The following FOXP2 variants were observed in gnomAD, a reference collection of about 807,000 sequenced individuals.
FOXP2 encodes the protein forkhead box protein P2.
FOXP2 carries 12 observed loss-of-function variants against 115.8 expected under a neutral mutation model. The ratio of observed to expected loss-of-function variants is 0.10; its 90% confidence interval spans 0.07 to 0.17. FOXP2 has a LOEUF of 0.17. FOXP2 is among the 10% of genes least tolerant of loss of function. The pLI is 1.00. For missense variants in FOXP2, 629 were observed against 843.5 expected, an observed-to-expected ratio of 0.75 and a Z score of 3.15; for synonymous variants, 328 against 297.7, an observed-to-expected ratio of 1.10 and a Z score of -1.05.
chr7:114,382,674 A>G (rs568792977), intron 2 of FOXP2, among the ~76,000 whole-genome samples: 19 of 152,108 alleles, frequency 1.2e-4, no homozygotes, highest in South Asian at 4.2e-4. Context: ...GCCAAGTTCA[A>G]TAGGGTTTCT....
chr7:114,671,443 G>A (rs999039708), intron 16 of FOXP2, among the ~76,000 whole-genome samples: 2 of 152,248 alleles, frequency 1.3e-5, no homozygotes, highest in Middle Eastern at 3.4e-3. Flanking sequence ...CATCCGTGGT[G>A]TGAATTCCCA....
At chr7:114,613,945 C>CAGT (rs1803778523) in intron 3 of FOXP2, 1 of 152,054 alleles carries the variant, frequency 6.6e-6, no homozygotes, top group Non-Finnish European at 1.5e-5. Context: ...ATTCATTCCA[C>CAGT]TAATGGCTGT....
intron 2 of FOXP2, among the ~76,000 whole-genome samples, chr7:114,361,381 G>A (rs946434260): frequency 1.3e-5 from 2 of 151,978 alleles, no homozygotes; most frequent in Non-Finnish European, 2.9e-5. Flanking sequence ...AAGGAAAGAG[G>A]ATGTTGGGAG....
At chr7:114,582,644 A>T (rs977670950) in intron 3 of FOXP2, among the ~76,000 whole-genome samples, 4 of 152,304 alleles carry the variant, frequency 2.6e-5, no homozygotes, top group Middle Eastern at 3.4e-3. Context: ...AAAGAACATA[A>T]ATTATTTTAT....
intron 16 of FOXP2, among the ~76,000 whole-genome samples, chr7:114,684,474 A>T (rs542696413): frequency 1.3e-5 from 2 of 152,332 alleles, no homozygotes; most frequent in African/African-American, 4.8e-5. Flanking sequence ...GCAGTCGCCT[A>T]GACCACTGCT....
intron 2 of FOXP2, among the ~76,000 whole-genome samples, chr7:114,456,303 G>C (rs1007840234): frequency 6.6e-6 from 1 of 152,180 alleles, no homozygotes; most frequent in Non-Finnish European, 1.5e-5. Flanking sequence ...GAGCCCTGCG[G>C]TGTAATCAAA....
intron 1 of FOXP2, among the ~76,000 whole-genome samples, chr7:114,217,164 G>C (rs1794505900): frequency 6.6e-6 from 1 of 152,086 alleles, no homozygotes; most frequent in Admixed American, 6.6e-5. Context: ...AAAACGCATG[G>C]TTTGTAGAAA....
chr7:114,208,607 C>T (rs1794260328), intron 1 of FOXP2, among the ~76,000 whole-genome samples: 1 of 151,918 alleles, frequency 6.6e-6, no homozygotes, highest in South Asian at 2.1e-4. Flanking sequence ...TGTCCCCACT[C>T]AAATCTCATC....
Position 114,301,375 on chromosome 7 carries a change from A to AGAT in FOXP2, c.-11+13268_-11+13270dup, listed in dbSNP as rs1796876058. On this transcript the variant is annotated intron_variant, in intron 2 of 17. Coordinates refer to the FOXP2 transcript ENST00000634411. ...ACAAATATTTGGAGAAAGTCTTGAA[A>AGAT]GATGCAATGGCATTCCTCATTATTG... is the stretch of plus-strand genomic sequence containing the variant. Among the ~76,000 whole-genome samples the AGAT allele has an allele frequency of 3.9e-5, 6 of 152,252 alleles. 1 individual carries two copies. In the South Asian group the frequency reaches 1.2e-3, roughly 32 times the overall value.
intron 2 of FOXP2, among the ~76,000 whole-genome samples, chr7:114,310,749 C>T (rs1217692697): frequency 6.6e-6 from 1 of 151,956 alleles, no homozygotes; most frequent in Non-Finnish European, 1.5e-5. Context: ...CTCTTTATCG[C>T]CTGTCTTCAT....
intron 2 of FOXP2, among the ~76,000 whole-genome samples, chr7:114,342,351 A>G (rs972886432): frequency 6.6e-6 from 1 of 151,422 alleles, no homozygotes; most frequent in African/African-American, 2.4e-5. Flanking sequence ...AAATACTTAA[A>G]CATAAAAGTT....
intron 16 of FOXP2, among the ~76,000 whole-genome samples, chr7:114,684,015 C>A (rs947402714): frequency 5.9e-5 from 9 of 151,892 alleles, no homozygotes; most frequent in African/African-American, 4.8e-5. Context: ...ATAGAACATA[C>A]CTCTTTAGTC....
intron 16 of FOXP2, chr7:114,666,304 T>C (rs999949301): frequency 1.3e-5 from 2 of 152,112 alleles, no homozygotes; most frequent in Non-Finnish European, 2.9e-5. Context: ...TCAATTATAA[T>C]CAAAATTTTA....
In FOXP2 at chr7:114,271,386, C is replaced by T. The variant is rs1219034608; in HGVS notation, c.-101-16633C>T. Among the ~76,000 whole-genome samples, 3 of 148,910 alleles carry T rather than the reference C, an allele frequency of 2.0e-5. No homozygotes were observed. In the East Asian group the frequency reaches 5.8e-4, roughly 29 times the overall value. On this transcript the variant is annotated intron_variant, in intron 1 of 17. Transcript: ENST00000634411. ...ATTAGTAGGAAGGATTTGAATTTCT[C>T]ACAATTAAGTATGTTAGCTGTCGGG...
At chr7:114,496,866 T>C (rs1446291471) in intron 2 of FOXP2, among the ~76,000 whole-genome samples, 1 of 152,214 alleles carries the variant, frequency 6.6e-6, no homozygotes, top group Non-Finnish European at 1.5e-5. Context: ...GGTTTTGTAC[T>C]GTTTCATATT....
chr7:114,449,997 A>T (rs1584749895), intron 2 of FOXP2, among the ~76,000 whole-genome samples: 1 of 149,924 alleles, frequency 6.7e-6, no homozygotes, highest in Admixed American at 6.6e-5. Flanking sequence ...ACTAAATTGC[A>T]AATTAATATA....
At chr7:114,296,209 C>T (rs1796738098) in intron 2 of FOXP2, among the ~76,000 whole-genome samples, 1 of 152,048 alleles carries the variant, frequency 6.6e-6, no homozygotes, top group South Asian at 2.1e-4. Context: ...GGGTTCTCTC[C>T]AAGAGAGTAA....
At chr7:114,536,324 C>G (rs1158332113) in intron 3 of FOXP2, among the ~76,000 whole-genome samples, 1 of 151,022 alleles carries the variant, frequency 6.6e-6, no homozygotes, top group Non-Finnish European at 1.5e-5. Context: ...AAAGCTAAGT[C>G]CAGTAGAAGT....
At chr7:114,654,160 A>G (rs562567143) in intron 10 of FOXP2, 151 bp downstream of exon 10, 4 of 1,516,200 alleles carry the variant, frequency 2.6e-6, no homozygotes, top group South Asian at 2.4e-5. Context: ...GTCAAATTGT[A>G]TGTTTCTTTT....
Sources: allele counts gnomAD v4.1 joint callset (sites outside exome capture counted in the v4.1 genomes callset), GRCh38; gene constraint gnomAD v4.1.1; transcripts MANE v1.5; gene names NCBI Gene and HGNC (gene_info 2026-07-23, HGNC 2026-07-21).